The following ZPBP variants were observed in gnomAD, a reference collection of about 807,000 sequenced individuals.
ZPBP encodes the protein zona pellucida-binding protein 1.
Under a neutral mutation model 44.8 loss-of-function variants are expected in ZPBP, and 26 were observed. That is an observed-to-expected ratio of 0.58 (90% CI 0.43 to 0.81). The LOEUF is 0.81. Ranked by LOEUF, ZPBP falls within the 30% of genes least tolerant of loss-of-function variation. ZPBP has a pLI of 0.00. For synonymous variants in ZPBP, 174 were observed against 153.2 expected, an observed-to-expected ratio of 1.14 and a Z score of -1.00; for missense variants, 409 against 434.0, an observed-to-expected ratio of 0.94 and a Z score of 0.51.
chr7:50,046,154 G>T (rs1040894894), intron 4 of ZPBP, among the ~76,000 whole-genome samples: 1 of 152,116 alleles, frequency 6.6e-6, no homozygotes, highest in East Asian at 1.9e-4. Flanking sequence ...ACTCAAGATG[G>T]ATTAAAGACT....
intron 6 of ZPBP, among the ~76,000 whole-genome samples, chr7:49,984,048 CCT>C (rs1395393268): frequency 6.6e-6 from 1 of 152,108 alleles, no homozygotes. Context: ...TGGCTTGCCT[CCT>C]AAAATTAACA....
intron 2 of ZPBP, among the ~76,000 whole-genome samples, chr7:49,886,404 G>A (rs965632356): frequency 4.6e-5 from 7 of 152,072 alleles, no homozygotes; most frequent in Non-Finnish European, 7.4e-5. Flanking sequence ...GCTAATATAG[G>A]TAATTAAAAA....
chr7:49,970,820 GC>G (rs1796272346), intron 7 of ZPBP, among the ~76,000 whole-genome samples: 1 of 150,932 alleles, frequency 6.6e-6, no homozygotes, highest in Non-Finnish European at 1.5e-5. Context: ...TTTGAGACTG[GC>G]CTGGGCAATA....
intron 2 of ZPBP, among the ~76,000 whole-genome samples, chr7:49,892,036 T>TGG: frequency 8.6e-6 from 1 of 116,062 alleles, no homozygotes; most frequent in African/African-American, 3.3e-5. Context: ...AGTAGATTTT[T>TGG]TTTTTTTTTT....
intron 7 of ZPBP, among the ~76,000 whole-genome samples, chr7:49,981,652 TG>T (rs1295493660): frequency 0.012 from 742 of 60,616 alleles, 230 homozygotes; most frequent in African/African-American, 0.042. Context: ...TATAATATCT[TG>T]ATATAAAATA....
chr7:49,887,212 G>T (rs1434685067), intron 2 of ZPBP, among the ~76,000 whole-genome samples: 1 of 152,208 alleles, frequency 6.6e-6, no homozygotes, highest in Non-Finnish European at 1.5e-5. Context: ...ACAGATGCTA[G>T]ATTTGTGGTC....
At chr7:49,866,759 G>T (rs1790909025) in intron 2 of ZPBP, among the ~76,000 whole-genome samples, 1 of 152,190 alleles carries the variant, frequency 6.6e-6, no homozygotes, top group Admixed American at 6.5e-5. Context: ...TGGGTAGGCT[G>T]GAATTCTACA....
At chr7:50,074,722 A>G (rs1277063469) in intron 3 of ZPBP, among the ~76,000 whole-genome samples, 1 of 151,992 alleles carries the variant, frequency 6.6e-6, no homozygotes, top group African/African-American at 2.4e-5. Context: ...GAATATGACA[A>G]TTATAAATAC....
chr7:50,038,516 T>C (rs750389851), intron 4 of ZPBP, among the ~76,000 whole-genome samples: 1 of 152,176 alleles, frequency 6.6e-6, no homozygotes, highest in Non-Finnish European at 1.5e-5. Flanking sequence ...TTGAAAGCAA[T>C]AGATCAATCA....
At chr7:50,069,009 C>T (rs1356766919) in intron 3 of ZPBP, among the ~76,000 whole-genome samples, 1 of 152,218 alleles carries the variant, frequency 6.6e-6, no homozygotes, top group African/African-American at 2.4e-5. Flanking sequence ...TCATCTGGCT[C>T]TTAGCAGGGG....
intron 7 of ZPBP, among the ~76,000 whole-genome samples, chr7:49,976,999 G>A (rs929717757): frequency 6.6e-6 from 1 of 151,922 alleles, no homozygotes; most frequent in Admixed American, 6.6e-5. Context: ...CTGCTCGGGC[G>A]CCTGAGGCAG....
At chr7:49,950,342 G>T (rs1795285365) in intron 7 of ZPBP, among the ~76,000 whole-genome samples, 1 of 151,800 alleles carries the variant, frequency 6.6e-6, no homozygotes, top group South Asian at 2.1e-4. Flanking sequence ...GCTGTATGCT[G>T]TTAACACAAA....
intron 5 of ZPBP, among the ~76,000 whole-genome samples, chr7:50,028,399 G>A (rs1328689025): frequency 6.6e-6 from 1 of 151,952 alleles, no homozygotes; most frequent in African/African-American, 2.4e-5. Flanking sequence ...AAGACTGAAA[G>A]CTTTCCTCCT....
intron 1 of ZPBP, among the ~76,000 whole-genome samples, chr7:49,930,134 A>G (rs1794397231): frequency 6.6e-6 from 1 of 152,190 alleles, no homozygotes; most frequent in South Asian, 2.1e-4. Context: ...AGCACCTGCA[A>G]CCATGAGGAC....
intron 7 of ZPBP, among the ~76,000 whole-genome samples, chr7:49,977,568 T>C (rs1796588434): frequency 6.6e-6 from 1 of 152,184 alleles, no homozygotes. Context: ...TAATCATTTC[T>C]GATCACAGAC....
intron 7 of ZPBP, chr7:49,943,155 G>A (rs1583884512): frequency 3.2e-6 from 1 of 315,550 alleles, no homozygotes; most frequent in East Asian, 8.7e-5. Flanking sequence ...TAACTTCCCA[G>A]TCCAGAAAGT....
chr7:50,090,086 C>A (rs1418091618), intron 1 of ZPBP, among the ~76,000 whole-genome samples: 1 of 152,132 alleles, frequency 6.6e-6, no homozygotes, highest in Non-Finnish European at 1.5e-5. Flanking sequence ...ACTCATTCTA[C>A]ATTGTACTAT....
intron 6 of ZPBP, among the ~76,000 whole-genome samples, chr7:50,010,853 C>T (rs1020947561): frequency 3.7e-5 from 5 of 135,664 alleles, no homozygotes; most frequent in African/African-American, 1.4e-4. Flanking sequence ...AAAAATAATC[C>T]TAAAATTTAT....
At chr7:49,869,941 G>A (rs1192668101) in intron 2 of ZPBP, among the ~76,000 whole-genome samples, 1 of 152,086 alleles carries the variant, frequency 6.6e-6, no homozygotes, top group Non-Finnish European at 1.5e-5. Context: ...ATATATAGAA[G>A]ATGTGGTTGT....
Sources: gnomAD v4.1 joint callset for allele counts (sites outside exome capture counted in the v4.1 genomes callset) on GRCh38, gnomAD v4.1.1 for gene constraint, MANE v1.5 for transcripts, NCBI Gene and HGNC (gene_info 2026-07-23, HGNC 2026-07-21) for gene names.